The following CNTNAP3 variants were observed in gnomAD, a reference collection of about 807,000 sequenced individuals.
The protein encoded by CNTNAP3 is contactin associated protein family member 3.
Under a neutral mutation model 92.1 loss-of-function variants are expected in CNTNAP3, and 36 were observed. The observed-to-expected ratio is 0.39, with a 90% CI of 0.30 to 0.52. CNTNAP3 has a LOEUF of 0.52. Among genes scored for constraint, CNTNAP3 ranks in the 20% least tolerant of loss-of-function variants. CNTNAP3 has a pLI of 0.76. For synonymous variants in CNTNAP3, 232 were observed against 422.3 expected (o/e 0.55, Z 5.53); for missense variants, 534 against 1,069.6 (o/e 0.50, Z 6.98).
chr9:39,099,877 C>G lies in CNTNAP3; in HGVS notation c.2995+34G>C, dbSNP rs150983041. On this transcript the variant is annotated intron_variant, in intron 18 of 23. Transcript: ENST00000297668. ...CTTCATGTTATTTAAGTTTCATGTA[C>G]TTTCCCTATAACCTGCTCCTTGGTC... 6.4e-3 allele frequency: 10,269 copies of G among 1,603,040 alleles called. 49 individuals are homozygous for G. The highest frequency in any genetic ancestry group is 0.033 in the Middle Eastern group (147 of 4,422).
At position 39,133,060 on chromosome 9, in the gene CNTNAP3, G is replaced by T. The variant is rs753324474; in HGVS notation, c.1952C>A (p.Pro651Gln). 4.5e-6 allele frequency: 7 copies of T among 1,557,228 alleles called. No homozygotes were observed. The highest frequency in any genetic ancestry group is 1.2e-5 in the South Asian group (1 of 85,648). The change falls in exon 13 of 24, where the codon CCG becomes CAG. Residue 651 changes from proline (P) to glutamine (Q), a missense_variant. Pro to Gln is a moderately conservative substitution (Grantham distance 76). Coordinates refer to ENST00000297668, the MANE Select transcript of CNTNAP3 (RefSeq NM_033655.5). Reference protein sequence around the residue: ...VTLRGAPSGHPRSAVSFAYAA... With the variant: ...VTLRGAPSGHQRSAVSFAYAA... ...GTACGCGAAGGACACAGCCGAGCGC[G>T]GGTGCCCGCTGGGGGCACCTCGGAG...
intron 21 of CNTNAP3, chr9:39,084,874 A>G (rs569399195): frequency 5.8e-4 from 88 of 151,652 alleles, no homozygotes; most frequent in African/African-American, 1.9e-3. Flanking sequence ...GCTTCTGAGT[A>G]TATACTTCAT....
At chr9:39,153,627 C>T (rs1344718942) in intron 9 of CNTNAP3, among the ~76,000 whole-genome samples, 4 of 39,340 alleles carry the variant, frequency 1.0e-4, no homozygotes, top group African/African-American at 4.5e-4. Context: ...GGCACCATCT[C>T]GGTTCACTGC....
At chr9:39,137,818 C>T (rs1821479869) in intron 12 of CNTNAP3, among the ~76,000 whole-genome samples, 2 of 152,050 alleles carry the variant, frequency 1.3e-5, no homozygotes, top group Admixed American at 1.3e-4. Context: ...GTTTTTAATG[C>T]TTGCTCTGTC....
chr9:39,082,533 G>T (rs140805088), intron 21 of CNTNAP3, among the ~76,000 whole-genome samples: 2,243 of 152,342 alleles, frequency 0.015, 1 homozygote, highest in South Asian at 0.061. Context: ...ATTCTGTAAT[G>T]TTGAAAGAGG....
intron 13 of CNTNAP3, among the ~76,000 whole-genome samples, chr9:39,123,472 A>G (rs1016001344): frequency 2.6e-5 from 4 of 152,024 alleles, no homozygotes; most frequent in Non-Finnish European, 5.9e-5. Flanking sequence ...GAGAGTGAGA[A>G]CCAGAAGAAA....
At position 39,149,988 on chromosome 9, in the gene CNTNAP3, A is replaced by C. The variant is rs978516670; in HGVS notation, c.1478-11T>G. 11 of 1,611,734 alleles carry C rather than the reference A, an allele frequency of 6.8e-6. No homozygotes were observed. The highest frequency in any genetic ancestry group is 9.3e-6 in the Non-Finnish European group (11 of 1,179,740). ...TGTTGTCCAGGCAGCCTAAATATGA[A>C]GACAAAAATAGGACAAAAGCAACAA... On this transcript the variant is annotated splice_polypyrimidine_tract_variant and intron_variant, in intron 9 of 23. Transcript: ENST00000297668.
chr9:39,142,767 T>C (rs1415834054), intron 11 of CNTNAP3, among the ~76,000 whole-genome samples: 4 of 151,992 alleles, frequency 2.6e-5, no homozygotes, highest in Admixed American at 2.6e-4. Flanking sequence ...TGAGAGTCAC[T>C]CCTGGACTGT....
intron 13 of CNTNAP3, among the ~76,000 whole-genome samples, chr9:39,129,577 G>T (rs886290654): frequency 2.0e-5 from 3 of 152,140 alleles, no homozygotes; most frequent in African/African-American, 7.2e-5. Context: ...GTTAGGTAAA[G>T]AATTTTTAGA....
intron 17 of CNTNAP3, among the ~76,000 whole-genome samples, chr9:39,101,402 G>T: frequency 6.6e-6 from 1 of 151,444 alleles, no homozygotes. Context: ...CTTAAGAAAT[G>T]AACAAGTGAG....
chr9:39,168,010 TTTTTTG>T (rs1238991533), intron 8 of CNTNAP3, among the ~76,000 whole-genome samples: 1 of 145,882 alleles, frequency 6.9e-6, no homozygotes, highest in Non-Finnish European at 1.5e-5. Context: ...CCTTGAGTTT[TTTTTTG>T]TTTTTGTTTT....
chr9:39,077,890 A>C (rs1402461316), intron 23 of CNTNAP3, among the ~76,000 whole-genome samples: 1 of 152,158 alleles, frequency 6.6e-6, no homozygotes, highest in Non-Finnish European at 1.5e-5. Flanking sequence ...AGGGAAGCTG[A>C]AATCAGCAAA....
At chr9:39,174,312 T>C (rs1822291008) in intron 7 of CNTNAP3, 2 of 388,072 alleles carry the variant, frequency 5.2e-6, no homozygotes, top group Non-Finnish European at 9.5e-6. Flanking sequence ...ATCTTGATGG[T>C]ATTTTTCATT....
Position 39,065,771 on chromosome 9 carries a change from T to C in CNTNAP3, c.*8119A>G, listed in dbSNP as rs562946294. Among the ~76,000 whole-genome samples, 155 of 152,340 alleles carry C rather than the reference T, an allele frequency of 1.0e-3. No individual in the cohort carries two copies. Among genetic ancestry groups the C allele is most frequent in the African/African-American group, 3.6e-3 (151 of 41,564 alleles). ...TTGTCCACTGGCCTAGCACTTTTCG[T>C]CATTTTTTCTTATATTCATTATTTT... On this transcript the variant is annotated 3_prime_UTR_variant, in exon 24 of 24. Transcript: ENST00000297668.
chr9:39,089,953 T>G (rs1826152370), intron 18 of CNTNAP3, among the ~76,000 whole-genome samples: 1 of 152,190 alleles, frequency 6.6e-6, no homozygotes, highest in South Asian at 2.1e-4. Context: ...TATTTTTGTT[T>G]TCTTGAGACA....
chr9:39,103,029 T>A (rs1255150753), intron 16 of CNTNAP3, among the ~76,000 whole-genome samples: 3 of 152,062 alleles, frequency 2.0e-5, no homozygotes, highest in Non-Finnish European at 2.9e-5. Context: ...TATTTGTTTT[T>A]GAGGTTTCAG....
chr9:39,106,512 C>T (rs1201529622), intron 15 of CNTNAP3: 1 of 152,130 alleles, frequency 6.6e-6, no homozygotes, highest in Non-Finnish European at 1.5e-5. Context: ...TGTTGAACTC[C>T]TAGGCTCAAG....
At chr9:39,085,014 A>G (rs911322908) in intron 21 of CNTNAP3, 13 of 143,658 alleles carry the variant, frequency 9.0e-5, no homozygotes, top group Non-Finnish European at 1.5e-4. Context: ...TGTATATAAT[A>G]AATATTATTC....
At chr9:39,102,239 C>T (rs1826478063) in intron 17 of CNTNAP3, among the ~76,000 whole-genome samples, 2 of 152,304 alleles carry the variant, frequency 1.3e-5, no homozygotes, top group Admixed American at 1.3e-4. Flanking sequence ...GAGATTGCAC[C>T]ACTGCACTCC....
Sources: allele counts gnomAD v4.1 joint callset (sites outside exome capture counted in the v4.1 genomes callset), GRCh38; gene constraint gnomAD v4.1.1; transcripts MANE v1.5; gene names NCBI Gene and HGNC (gene_info 2026-07-23, HGNC 2026-07-21).